FAM171B: variants seen among roughly 807,000 people sequenced by gnomAD.
FAM171B encodes the protein protein FAM171B.
A neutral mutation model predicts 75.6 loss-of-function variants in FAM171B; 19 were observed. The ratio of observed to expected loss-of-function variants is 0.25; its 90% CI spans 0.18 to 0.37. The LOEUF (loss-of-function observed/expected upper bound fraction) is 0.37. FAM171B is among the 10% of genes least tolerant of loss of function. The pLI is 1.00. For missense variants in FAM171B, 848 were observed against 982.4 expected (o/e 0.86, Z 1.83); for synonymous variants, 367 against 361.7 (o/e 1.01, Z -0.17).
intron 1 of FAM171B, among the ~76,000 whole-genome samples, chr2:186,715,269 C>G (rs569004702): frequency 6.6e-6 from 1 of 152,136 alleles, no homozygotes; most frequent in South Asian, 2.1e-4. Flanking sequence ...GTGGCACAAT[C>G]ACAGCTCACT....
intron 3 of FAM171B, 23 bp from the exon 4 acceptor site, chr2:186,747,069 T>C (rs763951903): frequency 6.5e-7 from 1 of 1,542,806 alleles, no homozygotes; most frequent in Non-Finnish European, 8.7e-7. Context: ...ATCTCTTTGT[T>C]AATGAGGTTT....
At position 186,749,615 on chromosome 2, in the gene FAM171B, C is replaced by T. The variant is rs374250636; in HGVS notation, c.725-1519C>T. Among the ~76,000 whole-genome samples, 43 of 152,258 alleles carry T rather than the reference C, an allele frequency of 2.8e-4. 1 individual carries two copies. Among genetic ancestry groups the T allele is most frequent in the East Asian group, 1.4e-3 (7 of 5,182 alleles). The stretch of plus-strand genomic sequence containing the variant: ...GTAAGCCACTACTTGGCCTGTTTGA[C>T]GGCTGAAGCCATTCCAGATGATAAG... On this transcript the variant is annotated intron_variant, in intron 4 of 7. Transcript: ENST00000304698.
intron 1 of FAM171B, among the ~76,000 whole-genome samples, chr2:186,696,966 G>C (rs1689591212): frequency 6.6e-6 from 1 of 151,808 alleles, no homozygotes; most frequent in Non-Finnish European, 1.5e-5. Context: ...GCACCTGGTT[G>C]GTACCCATAG....
rs1690324639 is a variant in FAM171B, at chr2:186,743,578, A to G, written c.565+3A>G. 1.3e-6 allele frequency: 2 copies of G among 1,581,244 alleles called. No homozygotes were observed. Among genetic ancestry groups the G allele is most frequent in the East Asian group, 4.5e-5 (2 of 44,636 alleles). On this transcript the variant is annotated splice_donor_region_variant and intron_variant, in intron 3 of 7. Coordinates refer to ENST00000304698, the MANE Select transcript of FAM171B (RefSeq NM_177454.4). Reference sequence around the variant, plus strand: ...TTTAATTACTGGAAAATTAGCTGGTAAGTACCATACTTCTTACTAAGTAAA... The same window carrying G: ...TTTAATTACTGGAAAATTAGCTGGTGAGTACCATACTTCTTACTAAGTAAA...
rs992865500 is a variant in FAM171B at position 186,764,242 on chromosome 2, G to C, written c.*1419G>C. 1.3e-5 allele frequency: 2 copies of C among 151,864 alleles called. No individual in the cohort carries two copies. The highest frequency in any genetic ancestry group is 1.3e-4 in the Admixed American group (2 of 15,204). The allele number at this position is 151,864 out of a possible 1,614,324, so 9.4% of individuals were successfully genotyped here. On this transcript the variant is annotated 3_prime_UTR_variant, in exon 8 of 8. Transcript: ENST00000304698. ...CTATTCAACATGGGAGCAGCATAGA[G>C]ACCCAAACCATGTAAACAAGTTCAG...
chr2:186,699,459 T>C (rs2105769735), intron 1 of FAM171B, among the ~76,000 whole-genome samples: 1 of 152,320 alleles, frequency 6.6e-6, no homozygotes, highest in South Asian at 2.1e-4. Context: ...TTTTGCCTAC[T>C]TTTAAATAGG....
chr2:186,752,824 A>G (rs1420032482), intron 5 of FAM171B, among the ~76,000 whole-genome samples: 2 of 152,262 alleles, frequency 1.3e-5, no homozygotes, highest in Admixed American at 1.3e-4. Context: ...AATAAACCAT[A>G]ATACAAATAT....
Position 186,751,172 on chromosome 2 carries a change from T to C in FAM171B, c.763T>C (p.Cys255Arg), listed in dbSNP as rs143170556. 11 of 1,609,442 alleles carry C rather than the reference T, an allele frequency of 6.8e-6. No individual in the cohort carries two copies. Among genetic ancestry groups the C allele is most frequent in the Non-Finnish European group, 9.3e-6 (11 of 1,177,134 alleles). ...TGAATTGACTCCTCTTGCTGCAATA[T>C]GTGTGAAAATATATTCTGGAGGAAA... ...NIELTPLAAI[C>R]VKIYSGGKEL... The change falls in exon 5 of 8, where the codon TGT becomes CGT. Residue 255 changes from cysteine to arginine, a missense_variant. Coordinates refer to ENST00000304698, the MANE Select transcript of FAM171B (RefSeq NM_177454.4).
rs746969791 is a variant in FAM171B at position 186,762,055 on chromosome 2, C to T, written c.1713C>T (p.Gly571=). 1.2e-6 allele frequency: 2 copies of T among 1,613,700 alleles called. No homozygotes were observed. Among genetic ancestry groups the T allele is most frequent in the Non-Finnish European group, 1.7e-6 (2 of 1,179,812 alleles). The change falls in exon 8 of 8, where the codon GGC becomes GGT. Residue 571 remains glycine (G), a synonymous_variant. Transcript: ENST00000304698. The surrounding 1 kb of genome is among the most constrained non-coding windows in gnomAD (Gnocchi z 4.0). ...TLPRKGQLVY[G]QLMEPVNREN... is the part of the protein sequence containing the mutation. The stretch of plus-strand genomic sequence containing the variant: ...CAAGAAAGGGACAGTTAGTCTATGG[C>T]CAATTGATGGAACCAGTAAATCGAG...
intron 1 of FAM171B, among the ~76,000 whole-genome samples, chr2:186,733,435 G>A (rs953948798): frequency 6.6e-6 from 1 of 152,162 alleles, no homozygotes; most frequent in African/African-American, 2.4e-5. Flanking sequence ...GTTTTTCAAA[G>A]ATCATTTTGT....
Position 186,765,914 on chromosome 2 carries a change from T to A in FAM171B, c.*3091T>A, listed in dbSNP as rs139144477. 1.3e-4 allele frequency: 20 copies of A among 152,262 alleles called. No individual in the cohort carries two copies. In the East Asian group the frequency reaches 3.3e-3, roughly 25 times the overall value. 9.4% of individuals were successfully genotyped at this position (152,262 alleles called of 1,614,324 possible). On this transcript the variant is annotated 3_prime_UTR_variant, in exon 8 of 8. Coordinates refer to ENST00000304698, the MANE Select transcript of FAM171B (RefSeq NM_177454.4). ...TGTAACAACCTGAAGATTTGTAAAA[T>A]GTTAAACATAGTTCATTAAAAATAA... is the stretch of plus-strand genomic sequence containing the variant.
chr2:186,696,995 AATGGATGGACGG>A (rs1374339950), intron 1 of FAM171B, among the ~76,000 whole-genome samples: 1,236 of 99,282 alleles, frequency 0.012, 12 homozygotes, highest in South Asian at 0.068. Flanking sequence ...CCATTTGTTG[AATGGATGGACGG>A]ATGGATGGAT....
intron 1 of FAM171B, among the ~76,000 whole-genome samples, chr2:186,702,148 T>C (rs1689670999): frequency 6.6e-6 from 1 of 152,204 alleles, no homozygotes; most frequent in African/African-American, 2.4e-5. Context: ...ATTTTGTCAT[T>C]CTGTGAACAT....
chr2:186,740,033 G>T (rs1174435499), intron 1 of FAM171B, among the ~76,000 whole-genome samples, 195 bp from the exon 2 acceptor site: 1 of 152,080 alleles, frequency 6.6e-6, no homozygotes, highest in Non-Finnish European at 1.5e-5. Flanking sequence ...TTGCTATGGA[G>T]CACTTAACTG....
Position 186,751,313 on chromosome 2 carries a change from G to A in FAM171B, c.895+9G>A. 6.5e-7 allele frequency: 1 copy of A among 1,540,062 alleles called. No homozygotes were observed. The highest frequency in any genetic ancestry group is 1.3e-5 in the South Asian group (1 of 78,674). ...ATTTGATATGAACACAGGTATGTGA[G>A]CTAGGTTAAAATAGTCTGAATATTT... is the stretch of plus-strand genomic sequence containing the variant. On this transcript the variant is annotated intron_variant, in intron 5 of 7. Coordinates refer to ENST00000304698, the MANE Select transcript of FAM171B (RefSeq NM_177454.4).
chr2:186,732,169 C>CA (rs386392078), intron 1 of FAM171B, among the ~76,000 whole-genome samples: 1 of 2,006 alleles, frequency 5.0e-4, no homozygotes, highest in Non-Finnish European at 2.1e-3. Context: ...ACTATTATAA[C>CA]TTTTTTTTGT....
In FAM171B at chr2:186,722,730, G is replaced by C. The variant is rs149782337; in HGVS notation, c.239-17498G>C. Among the ~76,000 whole-genome samples, 117 of 152,266 alleles carry C rather than the reference G, an allele frequency of 7.7e-4. 3 individuals are homozygous for C. The East Asian group carries it at 0.021, about 28-fold the overall frequency. On this transcript the variant is annotated intron_variant, in intron 1 of 7. Coordinates refer to ENST00000304698, the MANE Select transcript of FAM171B (RefSeq NM_177454.4). ...TAAACAGTTCTCTTGGCAGGAGGTG[G>C]AGGTCACTGGCCATCCCAGTTGGTA...
chr2:186,732,636 G>A (rs1032874228), intron 1 of FAM171B, among the ~76,000 whole-genome samples: 11 of 152,218 alleles, frequency 7.2e-5, no homozygotes, highest in African/African-American at 2.7e-4. Flanking sequence ...TTGACTTGGG[G>A]TCTTATGTGT....
intron 3 of FAM171B, among the ~76,000 whole-genome samples, chr2:186,746,291 C>A (rs957562226): frequency 3.9e-5 from 6 of 152,138 alleles, no homozygotes; most frequent in African/African-American, 1.2e-4. Context: ...GAGTACCTGG[C>A]ATTTGAAAGG....
Sources: allele counts gnomAD v4.1 joint callset (sites outside exome capture counted in the v4.1 genomes callset), GRCh38; gene constraint gnomAD v4.1.1; non-coding constraint Gnocchi (gnomAD v3.1); transcripts MANE v1.5; gene names NCBI Gene and HGNC (gene_info 2026-07-23, HGNC 2026-07-21).